The following DNM3 variants were observed in gnomAD, a reference collection of about 807,000 sequenced individuals.
The protein encoded by DNM3 is dynamin 3, also known as dynamin-3.
DNM3 carries 47 observed loss-of-function variants against 101.6 expected under a neutral mutation model. The observed-to-expected ratio is 0.46, with a 90% CI of 0.37 to 0.59. The LOEUF is 0.59. Among genes scored for constraint, DNM3 ranks in the 20% least tolerant of loss-of-function variants. DNM3 has a pLI of 0.00. For missense variants in DNM3, 849 were observed against 1,085.7 expected (o/e 0.78, Z 3.06); for synonymous variants, 385 against 387.9 (o/e 0.99, Z 0.09).
At chr1:172,253,244 G>A (rs1440043113) in intron 14 of DNM3, among the ~76,000 whole-genome samples, 2 of 152,102 alleles carry the variant, frequency 1.3e-5, no homozygotes, top group Non-Finnish European at 2.9e-5. Flanking sequence ...AGGGGGAAAG[G>A]ACGGAGGACC....
intron 2 of DNM3, among the ~76,000 whole-genome samples, chr1:171,926,196 G>T (rs1176104555): frequency 6.6e-6 from 1 of 151,904 alleles, no homozygotes; most frequent in African/African-American, 2.4e-5. Flanking sequence ...TGGCTATTTG[G>T]GCTCTCTTCT....
chr1:171,971,199 T>C (rs2043967447), intron 2 of DNM3, among the ~76,000 whole-genome samples: 1 of 152,074 alleles, frequency 6.6e-6, no homozygotes, highest in Non-Finnish European at 1.5e-5. Flanking sequence ...TCCTATTTCC[T>C]TTTGTTTTTT....
At chr1:172,155,639 G>A (rs975265569) in intron 14 of DNM3, among the ~76,000 whole-genome samples, 1 of 152,010 alleles carries the variant, frequency 6.6e-6, no homozygotes, top group African/African-American at 2.4e-5. Context: ...TAAACATCCA[G>A]TTATGTCATT....
At chr1:171,937,948 G>A (rs1418344667) in intron 2 of DNM3, among the ~76,000 whole-genome samples, 1 of 151,980 alleles carries the variant, frequency 6.6e-6, no homozygotes, top group Admixed American at 6.6e-5. Flanking sequence ...ATCACATTTT[G>A]AGAAACACTC....
chr1:171,863,588 G>C (rs1361774649), intron 1 of DNM3, among the ~76,000 whole-genome samples: 1 of 152,100 alleles, frequency 6.6e-6, no homozygotes, highest in East Asian at 1.9e-4. Context: ...TAAAATCCCT[G>C]TTACCCAGCT....
At chr1:171,992,834 T>G (rs2045728181) in intron 4 of DNM3, among the ~76,000 whole-genome samples, 1 of 152,124 alleles carries the variant, frequency 6.6e-6, no homozygotes, top group South Asian at 2.1e-4. Context: ...ATATTTATTT[T>G]CTAGTATATA....
chr1:172,160,245 A>G (rs2058498115), intron 14 of DNM3, among the ~76,000 whole-genome samples: 1 of 151,970 alleles, frequency 6.6e-6, no homozygotes, highest in East Asian at 1.9e-4. Context: ...AATTTATGCA[A>G]ATATTTTTTT....
At chr1:172,347,113 A>G (rs2066978249) in intron 17 of DNM3, among the ~76,000 whole-genome samples, 1 of 152,066 alleles carries the variant, frequency 6.6e-6, no homozygotes, top group Non-Finnish European at 1.5e-5. Context: ...TTCACACTAC[A>G]TGTGTGTTTG....
chr1:172,102,604 C>T (rs1353370998), intron 13 of DNM3, among the ~76,000 whole-genome samples: 1 of 151,950 alleles, frequency 6.6e-6, no homozygotes, highest in Non-Finnish European at 1.5e-5. Flanking sequence ...TTTGAAATAC[C>T]CCTTCAATAG....
chr1:171,935,048 T>C (rs2041302657), intron 2 of DNM3, among the ~76,000 whole-genome samples: 1 of 152,194 alleles, frequency 6.6e-6, no homozygotes, highest in Non-Finnish European at 1.5e-5. Context: ...ATCTGTATGA[T>C]ACTGCTAATA....
chr1:172,024,942 G>A (rs1321487188), intron 4 of DNM3, among the ~76,000 whole-genome samples: 1 of 152,202 alleles, frequency 6.6e-6, no homozygotes, highest in Admixed American at 6.5e-5. Flanking sequence ...TGGGACACCA[G>A]CTAGACAGAA....
At chr1:172,027,751 A>G (rs2048317996) in intron 4 of DNM3, among the ~76,000 whole-genome samples, 2 of 152,138 alleles carry the variant, frequency 1.3e-5, no homozygotes, top group Non-Finnish European at 2.9e-5. Context: ...ATGGAAAGCA[A>G]AAAAAAGCAG....
intron 2 of DNM3, among the ~76,000 whole-genome samples, chr1:171,968,451 G>T (rs985958649): frequency 6.6e-6 from 1 of 152,058 alleles, no homozygotes; most frequent in Non-Finnish European, 1.5e-5. Flanking sequence ...AGGCAGAAAC[G>T]GAAAACCAAA....
chr1:172,072,891 A>C lies in DNM3; in HGVS notation c.1422+3986A>C, dbSNP rs113992906. Among the ~76,000 whole-genome samples the C allele has an allele frequency of 6.5e-3, 987 of 151,980 alleles. 10 individuals are homozygous for C. Among genetic ancestry groups the C allele is most frequent in the African/African-American group, 0.023 (938 of 41,270 alleles). ...AATAGAGTGAGACTTGTCTCAAAAA[A>C]CAACAACAAAAAAAAGAGTTAACTG... On this transcript the variant is annotated intron_variant, in intron 11 of 20. Coordinates refer to ENST00000627582, the MANE Select transcript of DNM3 (RefSeq NM_015569.5).
chr1:171,842,355 A>G (rs1034820256), intron 1 of DNM3, among the ~76,000 whole-genome samples: 1 of 151,754 alleles, frequency 6.6e-6, no homozygotes, highest in Admixed American at 6.6e-5. Flanking sequence ...TCAGCTGTCT[A>G]CTGTTGCCTG....
At chr1:172,253,966 G>A (rs916408883) in intron 15 of DNM3, among the ~76,000 whole-genome samples, 2 of 151,646 alleles carry the variant, frequency 1.3e-5, no homozygotes, top group Admixed American at 1.3e-4. Context: ...TTTTGAGACG[G>A]GATCTCACTT....
intron 1 of DNM3, among the ~76,000 whole-genome samples, chr1:171,880,518 A>ACGTTAGTT (rs1240341250): frequency 1.3e-5 from 2 of 152,232 alleles, no homozygotes; most frequent in African/African-American, 4.8e-5. Context: ...AGCATAAGCA[A>ACGTTAGTT]CGTTAGTTGA....
At chr1:172,378,578 A>G (rs2149055001) in intron 17 of DNM3, among the ~76,000 whole-genome samples, 1 of 152,226 alleles carries the variant, frequency 6.6e-6, no homozygotes, top group Admixed American at 6.6e-5. Context: ...TCCATCCCAG[A>G]GCAGACCTAG....
At chr1:172,128,735 C>T (rs956390937) in intron 13 of DNM3, among the ~76,000 whole-genome samples, 2 of 152,130 alleles carry the variant, frequency 1.3e-5, no homozygotes, top group Non-Finnish European at 2.9e-5. Context: ...TAGTGGCTAC[C>T]GGCTACACTA....
Sources: gnomAD v4.1 joint callset for allele counts (sites outside exome capture counted in the v4.1 genomes callset) on GRCh38, gnomAD v4.1.1 for gene constraint, MANE v1.5 for transcripts, NCBI Gene and HGNC (gene_info 2026-07-23, HGNC 2026-07-21) for gene names.